Variants in DHRS4L2 observed in about 807,000 individuals in gnomAD.
DHRS4L2 encodes dehydrogenase/reductase SDR family member 4-like 2.
A neutral mutation model predicts 23.9 loss-of-function variants in DHRS4L2; 22 were observed. The observed-to-expected ratio is 0.92, with a 90% CI of 0.66 to 1.31. The LOEUF is 1.31. Ranked by LOEUF, DHRS4L2 falls within the 40% of genes most tolerant of loss-of-function variation. The pLI is 0.00. For missense variants in DHRS4L2, 385 were observed against 303.3 expected, an observed-to-expected ratio of 1.27 and a Z score of -2.00; for synonymous variants, 141 against 123.7, an observed-to-expected ratio of 1.14 and a Z score of -0.93.
chr14:23,990,996 TA>T (rs2034258198), intron 2 of DHRS4L2: 1 of 621,652 alleles, frequency 1.6e-6, no homozygotes, highest in East Asian at 1.4e-4. Context: ...GTCAATGTCA[TA>T]ATTAGTAGTG....
At chr14:23,984,212 G>T (rs574710219), upstream of DHRS4L2, among the ~76,000 whole-genome samples, 1 of 151,482 alleles carries the variant, frequency 6.6e-6, no homozygotes, top group Non-Finnish European at 1.5e-5. Context: ...ACAAAGCCAA[G>T]AGCTGTATGG....
chr14:23,993,988 C>A lies in DHRS4L2; in HGVS notation c.307-1044C>A, dbSNP rs539705013. ...TCACCCCTCCCAAACACAGAATAAGCAGGCCTCCTGTTCTTAGCTAGCCCC... is the reference window on the plus strand; with the variant it reads ...TCACCCCTCCCAAACACAGAATAAGAAGGCCTCCTGTTCTTAGCTAGCCCC... On this transcript the variant is annotated intron_variant, in intron 2 of 7. Coordinates refer to ENST00000335125, the MANE Select transcript of DHRS4L2 (RefSeq NM_198083.4). Among the ~76,000 whole-genome samples, 36 of 151,784 alleles carry A rather than the reference C, an allele frequency of 2.4e-4. 2 individuals carry two copies. In the South Asian group the frequency reaches 7.1e-3, roughly 30 times the overall value.
At chr14:23,976,730 T>C (rs1302370360) in intron 1 of DHRS4L2, among the ~76,000 whole-genome samples, 1 of 151,626 alleles carries the variant, frequency 6.6e-6, no homozygotes, top group Non-Finnish European at 1.5e-5. Flanking sequence ...ATAGACTGGA[T>C]AAAGGAAATG....
rs561342827 is a variant in DHRS4L2, at chr14:24,005,981, G to A, written c.*118G>A. ...GGGGAAACAGTGGTGGTGGGTGGAG[G>A]AACCCCGTCCCGCCTCTGAGGACCG... On this transcript the variant is annotated 3_prime_UTR_variant, in exon 8 of 8. Transcript: ENST00000335125. The A allele has an allele frequency of 1.4e-5, 23 of 1,609,720 alleles. No homozygotes were observed. In the Admixed American group the frequency reaches 3.5e-4, roughly 25 times the overall value.
intron 1 of DHRS4L2, among the ~76,000 whole-genome samples, chr14:23,972,181 C>T (rs1436022207): frequency 1.3e-5 from 2 of 151,988 alleles, no homozygotes; most frequent in South Asian, 4.2e-4. Flanking sequence ...AGCTGCGGAC[C>T]CTCGCGGTGA....
chr14:23,982,326 T>C (rs1453334155), intron 1 of DHRS4L2, among the ~76,000 whole-genome samples: 3 of 151,698 alleles, frequency 2.0e-5, no homozygotes, highest in Non-Finnish European at 2.9e-5. Flanking sequence ...CTTGGTTCCA[T>C]AAAACACATG....
In DHRS4L2 at chr14:23,975,454, T is replaced by C. The variant is rs1017841613; in HGVS notation, c.-176+5122T>C. Reference sequence around the variant, plus strand: ...GAGGACACAAACAAATGGAAGAATATTGCATGCTCATCGATAGGAAGACTC... The same window carrying C: ...GAGGACACAAACAAATGGAAGAATACTGCATGCTCATCGATAGGAAGACTC... On this transcript the variant is annotated intron_variant, in intron 1 of 5. Coordinates refer to the DHRS4L2 transcript ENST00000534993. 2.6e-5 allele frequency among the ~76,000 whole-genome samples: 4 copies of C among 151,704 alleles called. 1 individual carries two copies. The highest frequency in any genetic ancestry group is 9.7e-5 in the African/African-American group (4 of 41,246).
intron 2 of DHRS4L2, 120 bp downstream of exon 2, chr14:23,990,479 T>C (rs2034248286): frequency 7.2e-7 from 1 of 1,386,372 alleles, no homozygotes; most frequent in South Asian, 1.5e-5. Flanking sequence ...ATTATGTCCA[T>C]ATACTAACGT....
rs542649981 is a variant in DHRS4L2 at position 23,991,911 on chromosome 14, T to A, written c.306+1552T>A. 1.7e-3 allele frequency among the ~76,000 whole-genome samples: 251 copies of A among 151,476 alleles called. 3 individuals carry two copies. The highest frequency in any genetic ancestry group is 5.7e-3 in the African/African-American group (235 of 41,352). On this transcript the variant is annotated intron_variant, in intron 2 of 7. Coordinates refer to ENST00000335125, the MANE Select transcript of DHRS4L2 (RefSeq NM_198083.4). ...CCACCACGTCCAGCTAATTTTTGTA[T>A]TTTTAGTAGAGACGGGGTTTCACCA... is the stretch of plus-strand genomic sequence containing the variant.
intron 2 of DHRS4L2, among the ~76,000 whole-genome samples, chr14:23,994,348 A>G (rs1228738915): frequency 6.6e-6 from 1 of 151,666 alleles, no homozygotes; most frequent in Non-Finnish European, 1.5e-5. Context: ...TGTAAAGAAA[A>G]GAGCGTCAGA....
At chr14:23,996,509 CCTT>C (rs1393853643) in intron 3 of DHRS4L2, among the ~76,000 whole-genome samples, 1 of 150,854 alleles carries the variant, frequency 6.6e-6, no homozygotes, top group Admixed American at 6.7e-5. Flanking sequence ...ACAAAACCTT[CCTT>C]CTTAGGAACT....
intron 3 of DHRS4L2, among the ~76,000 whole-genome samples, chr14:23,996,662 T>C (rs552381311): frequency 1.4e-5 from 2 of 141,524 alleles, no homozygotes; most frequent in East Asian, 2.1e-4. Flanking sequence ...TTTTTTTTTT[T>C]TTCCCCCTCG....
Position 23,972,498 on chromosome 14 carries a change from A to C in DHRS4L2, c.-176+2166A>C, listed in dbSNP as rs112934969. 1.4e-3 allele frequency among the ~76,000 whole-genome samples: 215 copies of C among 152,086 alleles called. 1 individual carries two copies. The highest frequency in any genetic ancestry group is 2.3e-3 in the Non-Finnish European group (155 of 67,974). On this transcript the variant is annotated intron_variant, in intron 1 of 5. Transcript: ENST00000534993. Reference sequence around the variant, plus strand: ...GTGGACCCAAAGAGTGAGCAGCAGCAAGATTTATTGCAAAGAGTGAAAGAA... The same window carrying C: ...GTGGACCCAAAGAGTGAGCAGCAGCCAGATTTATTGCAAAGAGTGAAAGAA...
upstream of DHRS4L2, among the ~76,000 whole-genome samples, chr14:23,986,344 A>G (rs1158447272): frequency 6.6e-6 from 1 of 151,246 alleles, no homozygotes; most frequent in Non-Finnish European, 1.5e-5. Flanking sequence ...AACATCACAC[A>G]CTGGGGCCTG....
At chr14:23,972,534 A>C (rs1285067289) in intron 1 of DHRS4L2, among the ~76,000 whole-genome samples, 1 of 151,980 alleles carries the variant, frequency 6.6e-6, no homozygotes, top group Non-Finnish European at 1.5e-5. Context: ...CAAAGCTTCC[A>C]CAGTGTGGAA....
upstream of DHRS4L2, chr14:23,987,293 G>A: frequency 7.3e-6 from 2 of 274,164 alleles, no homozygotes; most frequent in Admixed American, 5.2e-5. Context: ...ACCACGCCCG[G>A]CTAATTTTTT....
chr14:23,986,472 C>T (rs1384140390), upstream of DHRS4L2, among the ~76,000 whole-genome samples: 2 of 148,394 alleles, frequency 1.3e-5, no homozygotes, highest in Non-Finnish European at 3.0e-5. Context: ...AAAACCTGCA[C>T]GTTGTACACG....
At chr14:24,005,785 C>G in intron 7 of DHRS4L2, 101 bp from the exon 8 acceptor site, 2 of 1,550,492 alleles carry the variant, frequency 1.3e-6, no homozygotes, top group Non-Finnish European at 8.7e-7. Flanking sequence ...GAAAAGTCAT[C>G]TGATAATTCT....
upstream of DHRS4L2, among the ~76,000 whole-genome samples, chr14:23,988,066 A>G (rs1429586945): frequency 2.0e-5 from 3 of 151,542 alleles, no homozygotes; most frequent in Non-Finnish European, 4.4e-5. Flanking sequence ...CAGGGCACCA[A>G]TAATAATCAC....
Sources: allele counts gnomAD v4.1 joint callset (sites outside exome capture counted in the v4.1 genomes callset), GRCh38; gene constraint gnomAD v4.1.1; transcripts MANE v1.5; gene names NCBI Gene and HGNC (gene_info 2026-07-23, HGNC 2026-07-21).